The following MFHAS1 variants were observed in gnomAD, a reference collection of about 807,000 sequenced individuals.
MFHAS1 encodes the protein malignant fibrous histiocytoma-amplified sequence 1.
MFHAS1 carries 50 observed loss-of-function variants against 70.4 expected under a neutral mutation model. The observed-to-expected ratio is 0.71, with a 90% CI of 0.57 to 0.90. The LOEUF (loss-of-function observed/expected upper bound fraction) is 0.90, where lower values mean the gene tolerates loss of function less well. MFHAS1 is among the 40% of genes least tolerant of loss of function. The pLI, the probability that MFHAS1 is intolerant of heterozygous loss-of-function variation, is 0.00. For synonymous variants in MFHAS1, 952 were observed against 620.0 expected (o/e 1.54, Z -7.96); for missense variants, 1,795 against 1,347.6 (o/e 1.33, Z -5.20).
chr8:8,818,163 C>A (rs963034079), intron 1 of MFHAS1, among the ~76,000 whole-genome samples: 1 of 152,146 alleles, frequency 6.6e-6, no homozygotes, highest in Non-Finnish European at 1.5e-5. Flanking sequence ...GAGCGTCATA[C>A]TTCGGGGCTG....
intron 1 of MFHAS1, among the ~76,000 whole-genome samples, chr8:8,811,029 C>T (rs1806527504): frequency 6.6e-6 from 1 of 152,162 alleles, no homozygotes; most frequent in Admixed American, 6.5e-5. Flanking sequence ...GCTCAACTTT[C>T]TCCTTTTGCT....
At chr8:8,816,741 G>C (rs1171162644) in intron 1 of MFHAS1, among the ~76,000 whole-genome samples, 3 of 152,066 alleles carry the variant, frequency 2.0e-5, no homozygotes, top group Non-Finnish European at 4.4e-5. Flanking sequence ...TATTATATCA[G>C]TAGGTCAAAG....
chr8:8,861,880 C>T (rs1388202555), intron 1 of MFHAS1, among the ~76,000 whole-genome samples: 1 of 152,176 alleles, frequency 6.6e-6, no homozygotes, highest in Non-Finnish European at 1.5e-5. Context: ...TCATCCATGT[C>T]GCTTTATCAG....
At chr8:8,889,835 T>G (rs898519302) in intron 1 of MFHAS1, among the ~76,000 whole-genome samples, 1 of 152,212 alleles carries the variant, frequency 6.6e-6, no homozygotes, top group Non-Finnish European at 1.5e-5. Context: ...GAACCCATTT[T>G]GGAAGTCTGA....
intron 1 of MFHAS1, among the ~76,000 whole-genome samples, chr8:8,841,488 T>C (rs1807823060): frequency 6.6e-6 from 1 of 152,064 alleles, no homozygotes; most frequent in African/African-American, 2.4e-5. Flanking sequence ...AAAGACTTCT[T>C]TTTGTTGTTT....
chr8:8,891,465 C>G lies in MFHAS1; in HGVS notation c.1594G>C (p.Val532Leu), dbSNP rs781423982. Residue 532 changes from valine (V) to leucine (L), a missense_variant, in exon 1 of 3, where the codon GTG (valine) becomes CTG (leucine). Physicochemically the swap from Val to Leu is conservative, Grantham distance 32 (BLOSUM62 1). Coordinates refer to ENST00000276282, the MANE Select transcript of MFHAS1 (RefSeq NM_004225.3). This position sits in a 1 kb window ranked among gnomAD's most constrained non-coding sequence, Gnocchi z 5.4. ...TCTGCGTGGGTGCCCACGATGCACA[C>G]CACCGCGTGGGGCACTCTCGCCCCG... ...RVGARVPHAVVCIVGTHADLC... is the reference protein window; with the variant it reads ...RVGARVPHAVLCIVGTHADLC... The G allele has an allele frequency of 6.2e-7, 1 of 1,613,032 alleles. No individual in the cohort carries two copies. Among genetic ancestry groups the G allele is most frequent in the Non-Finnish European group, 8.5e-7 (1 of 1,180,024 alleles).
At chr8:8,818,984 AAAG>A (rs1238427453) in intron 1 of MFHAS1, among the ~76,000 whole-genome samples, 4 of 152,248 alleles carry the variant, frequency 2.6e-5, no homozygotes, top group Admixed American at 1.3e-4. Context: ...AACATGTGTC[AAAG>A]AATACAATCT....
At chr8:8,797,013 A>G (rs1053274913) in intron 2 of MFHAS1, among the ~76,000 whole-genome samples, 9 of 152,174 alleles carry the variant, frequency 5.9e-5, no homozygotes, top group Non-Finnish European at 1.2e-4. Flanking sequence ...AACAACAAAA[A>G]AAATGTTCTT....
At chr8:8,875,631 C>T (rs1162413967) in intron 1 of MFHAS1, among the ~76,000 whole-genome samples, 1 of 152,130 alleles carries the variant, frequency 6.6e-6, no homozygotes. Context: ...CGCTCTGTCA[C>T]CCAGGCTGGA....
intron 1 of MFHAS1, among the ~76,000 whole-genome samples, chr8:8,820,237 G>A (rs984071950): frequency 6.6e-5 from 10 of 151,512 alleles, no homozygotes; most frequent in African/African-American, 2.4e-4. Flanking sequence ...GAGTTAGACT[G>A]CTATGCTCCC....
At chr8:8,791,920 G>T (rs1805731477) in intron 2 of MFHAS1, among the ~76,000 whole-genome samples, 1 of 152,184 alleles carries the variant, frequency 6.6e-6, no homozygotes, top group African/African-American at 2.4e-5. Flanking sequence ...CTGTGCCAAG[G>T]ATAACGTGTT....
chr8:8,824,520 TTCACACACACACACACACACACACACACA>T (rs1807083320), intron 1 of MFHAS1, among the ~76,000 whole-genome samples: 3 of 56,622 alleles, frequency 5.3e-5, no homozygotes, highest in Admixed American at 1.7e-4. Flanking sequence ...TTCTCTCTCT[TTCACACACACACACACACACACACACACA>T]CACACACACA....
At chr8:8,846,321 AAGGAGGAGT>A (rs1427450476) in intron 1 of MFHAS1, among the ~76,000 whole-genome samples, 2 of 86,724 alleles carry the variant, frequency 2.3e-5, no homozygotes, top group Non-Finnish European at 4.3e-5. Context: ...GAAGGAGGAG[AAGGAGGAGT>A]AGGAGGGGGA....
chr8:8,793,710 G>T (rs1267867650), intron 2 of MFHAS1, among the ~76,000 whole-genome samples: 1 of 152,252 alleles, frequency 6.6e-6, no homozygotes, highest in Non-Finnish European at 1.5e-5. Context: ...AGCAGGTATT[G>T]ACCACAGAGC....
rs758704997 is a variant in MFHAS1, at chr8:8,891,365, T to A, written c.1694A>T (p.Asp565Val). The A allele has an allele frequency of 4.3e-6, 7 of 1,611,274 alleles. No individual in the cohort carries two copies. The change falls in exon 1 of 3, where the codon GAC becomes GTC. Residue 565 changes from aspartate (D) to valine (V), a missense_variant. Coordinates refer to ENST00000276282, the MANE Select transcript of MFHAS1 (RefSeq NM_004225.3). The surrounding 1 kb of genome is among the most constrained non-coding windows in gnomAD (Gnocchi z 5.4). ...GGCCAAGCGGCTCAGTCCCTCCGCGTCGTGCTTCTCCTGCAGGGCGATCTG... is the reference window on the plus strand; with the variant it reads ...GGCCAAGCGGCTCAGTCCCTCCGCGACGTGCTTCTCCTGCAGGGCGATCTG... ...HRQIALQEKH[D>V]AEGLSRLAKV...
intron 1 of MFHAS1, among the ~76,000 whole-genome samples, chr8:8,825,026 C>G (rs1807105159): frequency 1.3e-5 from 2 of 152,234 alleles, no homozygotes; most frequent in East Asian, 3.8e-4. Context: ...GAGGCAGTAG[C>G]TAAGTCAGTG....
chr8:8,873,720 C>T (rs187496722), intron 1 of MFHAS1, among the ~76,000 whole-genome samples: 1 of 152,084 alleles, frequency 6.6e-6, no homozygotes, highest in African/African-American at 2.4e-5. Flanking sequence ...AAAACAACCA[C>T]GCAGCGCGGG....
At chr8:8,827,260 T>C (rs1035147537) in intron 1 of MFHAS1, among the ~76,000 whole-genome samples, 1 of 152,248 alleles carries the variant, frequency 6.6e-6, no homozygotes, top group Non-Finnish European at 1.5e-5. Context: ...ATCTGCGTAG[T>C]TATTTTTGTG....
At chr8:8,846,803 C>G (rs1162193024) in intron 1 of MFHAS1, among the ~76,000 whole-genome samples, 2 of 152,086 alleles carry the variant, frequency 1.3e-5, no homozygotes, top group Non-Finnish European at 2.9e-5. Context: ...TCCTTGGCTG[C>G]TTTATTTAAA....
Sources: allele counts gnomAD v4.1 joint callset (sites outside exome capture counted in the v4.1 genomes callset), GRCh38; gene constraint gnomAD v4.1.1; non-coding constraint Gnocchi (gnomAD v3.1); transcripts MANE v1.5; gene names NCBI Gene and HGNC (gene_info 2026-07-23, HGNC 2026-07-21).